Variants in PAAF1 observed in about 807,000 individuals in gnomAD.
PAAF1 encodes proteasomal ATPase associated factor 1, also known as proteasomal ATPase-associated factor 1.
A neutral mutation model predicts 52.8 loss-of-function variants in PAAF1; 46 were observed. The ratio of observed to expected loss-of-function variants is 0.87; its 90% CI spans 0.69 to 1.11. The LOEUF is 1.11. PAAF1 is among the 50% of genes most tolerant of loss of function. PAAF1 has a pLI of 0.00. For synonymous variants in PAAF1, 178 were observed against 172.8 expected, an observed-to-expected ratio of 1.03 and a Z score of -0.24; for missense variants, 424 against 477.4, an observed-to-expected ratio of 0.89 and a Z score of 1.04.
rs1191359176 is a variant in PAAF1 at position 73,877,059 on chromosome 11, A to C, written c.38A>C (p.Gln13Pro). ...APLRIQSDWAQALRKDEGEAW... is the reference protein window; with the variant it reads ...APLRIQSDWAPALRKDEGEAW... ...TTGAGGATTCAGAGCGACTGGGCGC[A>C]AGCCCTCAGGTGAATCCAGGCCCAG... is the stretch of plus-strand genomic sequence containing the variant. The change falls in exon 1 of 12, where the codon CAA becomes CCA. Residue 13 changes from glutamine (Q) to proline (P), a missense_variant. Gln to Pro is a moderately conservative substitution (Grantham distance 76, BLOSUM62 -1). Transcript: ENST00000310571. The C allele has an allele frequency of 2.6e-6, 4 of 1,538,768 alleles. No homozygotes were observed. The highest frequency in any genetic ancestry group is 2.0e-5 in the Admixed American group (1 of 49,194).
At chr11:73,903,730 AT>A (rs1031978656) in intron 6 of PAAF1, among the ~76,000 whole-genome samples, 8 of 149,010 alleles carry the variant, frequency 5.4e-5, no homozygotes, top group Non-Finnish European at 8.9e-5. Flanking sequence ...AAAAAAAAAA[AT>A]CTCTTATGAG....
chr11:73,924,529 T>G, intron 10 of PAAF1, 86 bp from the exon 11 acceptor site: 1 of 1,098,114 alleles, frequency 9.1e-7, no homozygotes, highest in South Asian at 1.3e-5. Flanking sequence ...ACACTAGTGA[T>G]CTACAGAAGC....
chr11:73,885,634 G>A (rs1012394869), intron 2 of PAAF1, among the ~76,000 whole-genome samples: 1 of 150,878 alleles, frequency 6.6e-6, no homozygotes, highest in African/African-American at 2.4e-5. Flanking sequence ...CTGAGGGGAG[G>A]AGCTCAAGAC....
At chr11:73,912,795 C>T (rs1949966933) in intron 7 of PAAF1, among the ~76,000 whole-genome samples, 1 of 152,206 alleles carries the variant, frequency 6.6e-6, no homozygotes, top group African/African-American at 2.4e-5. Context: ...TCATACCACC[C>T]TCTGCCATGT....
Position 73,900,296 on chromosome 11 carries a change from T to C in PAAF1, c.408T>C (p.Asp136=). 1 of 1,611,018 alleles carries C rather than the reference T, an allele frequency of 6.2e-7. No homozygotes were observed. Among genetic ancestry groups the C allele is most frequent in the Non-Finnish European group, 8.5e-7 (1 of 1,178,294 alleles). The change falls in exon 6 of 12, where the codon GAT becomes GAC. Residue 136 remains aspartate, a synonymous_variant. Transcript: ENST00000310571. ...LRRVLEGHVF[D]VNCCRFFPSG... ...GAGTATTGGAAGGACATGTGTTTGA[T>C]GTGAATTGTTGCAGGTTTTTCCCAT... is the stretch of plus-strand genomic sequence containing the variant.
chr11:73,916,236 G>T (rs945408855), intron 8 of PAAF1, among the ~76,000 whole-genome samples: 1 of 152,116 alleles, frequency 6.6e-6, no homozygotes, highest in Non-Finnish European at 1.5e-5. Context: ...TGAAAAAGGG[G>T]CAAAGAAGGA....
chr11:73,906,484 C>T (rs1286885498), intron 6 of PAAF1, among the ~76,000 whole-genome samples: 6 of 152,086 alleles, frequency 3.9e-5, no homozygotes, highest in Non-Finnish European at 5.9e-5. Context: ...CTCCTGGCCT[C>T]GAGTGATCTG....
intron 2 of PAAF1, among the ~76,000 whole-genome samples, chr11:73,883,504 T>C (rs1948973666): frequency 6.6e-6 from 1 of 152,118 alleles, no homozygotes; most frequent in Non-Finnish European, 1.5e-5. Flanking sequence ...TTCTTTCACT[T>C]AGTATAATGT....
chr11:73,900,462 C>T, intron 6 of PAAF1, 42 bp downstream of exon 6: 2 of 1,502,996 alleles, frequency 1.3e-6, no homozygotes, highest in Non-Finnish European at 1.8e-6. Flanking sequence ...CTAATGATCC[C>T]CAGAAATGAA....
chr11:73,907,856 C>T (rs1051401929), intron 6 of PAAF1, among the ~76,000 whole-genome samples: 2 of 152,150 alleles, frequency 1.3e-5, no homozygotes, highest in Non-Finnish European at 2.9e-5. Flanking sequence ...GGGCAACAGA[C>T]TTTACTGGGA....
intron 2 of PAAF1, among the ~76,000 whole-genome samples, chr11:73,885,568 G>A (rs367695812): frequency 1.3e-5 from 2 of 151,446 alleles, no homozygotes; most frequent in African/African-American, 2.4e-5. Context: ...CGGCCTGGTC[G>A]TGGTGGCTCA....
chr11:73,921,271 G>T (rs1306173824), intron 10 of PAAF1, among the ~76,000 whole-genome samples: 4 of 150,144 alleles, frequency 2.7e-5, no homozygotes, highest in Admixed American at 2.0e-4. Flanking sequence ...CCGCACTCCA[G>T]CCTCAGCGAC....
In PAAF1 at chr11:73,881,455, T is replaced by A. The variant is rs544410244; in HGVS notation, c.88+2636T>A. Among the ~76,000 whole-genome samples, 11 of 152,206 alleles carry A rather than the reference T, an allele frequency of 7.2e-5. No individual in the cohort carries two copies. In the East Asian group the frequency reaches 2.1e-3, roughly 29 times the overall value. On this transcript the variant is annotated intron_variant, in intron 2 of 11. Transcript: ENST00000310571. ...TGGGACTACTACCATGCCCAGCTAA[T>A]TTTTGTATTTTTAGTAGAGACAGGG...
chr11:73,901,032 A>T (rs1174980062), intron 6 of PAAF1, among the ~76,000 whole-genome samples: 9 of 147,554 alleles, frequency 6.1e-5, no homozygotes, highest in Admixed American at 3.4e-4. Context: ...TCTACAATTG[A>T]TAAAGGAAAA....
rs17244692 is a variant in PAAF1 at position 73,887,241 on chromosome 11, G to T, written c.89-113G>T. On this transcript the variant is annotated intron_variant, in intron 2 of 11. Coordinates refer to ENST00000310571, the MANE Select transcript of PAAF1 (RefSeq NM_025155.3). The stretch of plus-strand genomic sequence containing the variant: ...TAACACAGGCACCTGTTTTTCTTTC[G>T]TGGGCCAATTTCATGGGTATACTAT... 9 of 656,154 alleles carry T rather than the reference G, an allele frequency of 1.4e-5. No homozygotes were observed. The East Asian group carries it at 2.1e-4, about 15-fold the overall frequency. The allele number at this position is 656,154 out of a possible 1,614,324, so 40.6% of individuals were successfully genotyped here. A position where few individuals can be genotyped will look rare whatever the true frequency, so the allele number is the denominator to read the frequency against.
intron 4 of PAAF1, among the ~76,000 whole-genome samples, chr11:73,895,777 A>G (rs1475040238): frequency 6.6e-6 from 1 of 152,240 alleles, no homozygotes; most frequent in Non-Finnish European, 1.5e-5. Context: ...TTATTCTGAT[A>G]ATGGCTTATG....
chr11:73,906,205 C>T (rs947461781), intron 6 of PAAF1, among the ~76,000 whole-genome samples: 6 of 152,298 alleles, frequency 3.9e-5, no homozygotes, highest in Admixed American at 3.3e-4. Flanking sequence ...GTGAGAATTA[C>T]ATTTACCTAA....
chr11:73,878,769 TTCTTCGTAG>T lies in PAAF1; in HGVS notation c.48-9_48-1del. On this transcript the variant is annotated splice_acceptor_variant and splice_polypyrimidine_tract_variant and intron_variant, in intron 1 of 11. Transcript: ENST00000310571. LOFTEE classifies it high-confidence loss of function. ...GGTAAGCCTAATTAGGCTTTTGTCTTTCTTCGTAGGAAGGATGAAGGGGAGGCCTGGCTG... is the reference window on the plus strand; with the variant it reads ...GGTAAGCCTAATTAGGCTTTTGTCTTGAAGGATGAAGGGGAGGCCTGGCTG... 1 of 1,613,420 alleles carries T rather than the reference TTCTTCGTAG, an allele frequency of 6.2e-7. No individual in the cohort carries two copies. The highest frequency in any genetic ancestry group is 8.5e-7 in the Non-Finnish European group (1 of 1,179,630).
chr11:73,878,038 G>A (rs901993444), intron 1 of PAAF1, among the ~76,000 whole-genome samples: 1 of 152,124 alleles, frequency 6.6e-6, no homozygotes, highest in Non-Finnish European at 1.5e-5. Flanking sequence ...ACTAATAAGG[G>A]TTTTTCAAAT....
Sources: gnomAD v4.1 joint callset for allele counts (sites outside exome capture counted in the v4.1 genomes callset) on GRCh38, gnomAD v4.1.1 for gene constraint, MANE v1.5 for transcripts, NCBI Gene and HGNC (gene_info 2026-07-23, HGNC 2026-07-21) for gene names.